Variants in ADGRL2 observed in about 807,000 individuals in gnomAD.
ADGRL2 encodes the protein adhesion G protein-coupled receptor L2.
A neutral mutation model predicts 157.4 loss-of-function variants in ADGRL2; 44 were observed. The ratio of observed to expected loss-of-function variants is 0.28; its 90% confidence interval spans 0.22 to 0.36. The LOEUF is 0.36. Among genes scored for constraint, ADGRL2 ranks in the 10% least tolerant of loss-of-function variants. The pLI is 1.00. For synonymous variants in ADGRL2, 585 were observed against 624.7 expected (o/e 0.94, Z 0.95); for missense variants, 1,510 against 1,768.9 (o/e 0.85, Z 2.63).
chr1:81,695,702 T>C (rs984395057), upstream of ADGRL2, among the ~76,000 whole-genome samples: 2 of 151,894 alleles, frequency 1.3e-5, no homozygotes, highest in African/African-American at 4.8e-5. Flanking sequence ...GTGCCAGTAA[T>C]CCCAGCTACT....
intron 17 of ADGRL2, among the ~76,000 whole-genome samples, chr1:81,979,342 C>T (rs540608195): frequency 1.2e-4 from 18 of 151,864 alleles, no homozygotes; most frequent in African/African-American, 4.1e-4. Context: ...CCTATATAAA[C>T]TTTATCTTAC....
rs1478227741 is a variant in ADGRL2, at chr1:81,952,848, G to A, written c.1795-139G>A. 4.6e-6 allele frequency: 3 copies of A among 658,460 alleles called. No individual in the cohort carries two copies. The African/African-American group carries it at 5.4e-5, about 12-fold the overall frequency. The allele number at this position is 658,460 out of a possible 1,614,324, so 40.8% of individuals were successfully genotyped here. On this transcript the variant is annotated intron_variant, in intron 9 of 23. Transcript: ENST00000686636. ...TAAATAAGCAGTTTTGGTAGTCAGTGCAGACTCAGACTCCAGAGGACTACT... is the reference window on the plus strand; with the variant it reads ...TAAATAAGCAGTTTTGGTAGTCAGTACAGACTCAGACTCCAGAGGACTACT...
intron 3 of ADGRL2, among the ~76,000 whole-genome samples, chr1:81,582,691 A>G (rs1360073380): frequency 6.6e-6 from 1 of 152,206 alleles, no homozygotes; most frequent in Non-Finnish European, 1.5e-5. Context: ...CAATGATGTC[A>G]GCAAGTACTA....
intron 3 of ADGRL2, among the ~76,000 whole-genome samples, chr1:81,604,471 A>G (rs1415406200): frequency 2.6e-5 from 4 of 152,212 alleles, no homozygotes; most frequent in African/African-American, 4.8e-5. Context: ...TCAAGTAAAT[A>G]TAAGACCAAA....
chr1:81,682,732 C>A (rs1416429981), intron 3 of ADGRL2, among the ~76,000 whole-genome samples: 2 of 152,190 alleles, frequency 1.3e-5, no homozygotes, highest in Non-Finnish European at 2.9e-5. Context: ...CTTAAAAGCC[C>A]TCTTCTGGAC....
intron 3 of ADGRL2, among the ~76,000 whole-genome samples, chr1:81,644,199 C>G (rs148096019): frequency 2.0e-5 from 3 of 152,146 alleles, no homozygotes; most frequent in African/African-American, 7.2e-5. Flanking sequence ...CCAGAGCATA[C>G]ACCCTTTACA....
Position 81,958,922 on chromosome 1 carries a change from G to A in ADGRL2, c.2017+2862G>A, listed in dbSNP as rs139273950. Among the ~76,000 whole-genome samples, 913 of 152,258 alleles carry A rather than the reference G, an allele frequency of 6.0e-3. 6 individuals are homozygous for A. The highest frequency in any genetic ancestry group is 0.021 in the African/African-American group (866 of 41,536). On this transcript the variant is annotated intron_variant, in intron 11 of 23. Transcript: ENST00000686636. ...CTCCTTTTGATCTTGCTGCTTTTAT[G>A]CAGAGGAATATTTTTTGAAATTTAT...
chr1:81,690,909 G>A (rs1428913681), intron 3 of ADGRL2, among the ~76,000 whole-genome samples: 1 of 152,210 alleles, frequency 6.6e-6, no homozygotes, highest in Non-Finnish European at 1.5e-5. Flanking sequence ...TGCAGTGGAA[G>A]CCTCAGCTAC....
chr1:81,722,841 TG>T (rs1557597150), intron 1 of ADGRL2: 1 of 704,790 alleles, frequency 1.4e-6, no homozygotes, highest in Admixed American at 2.0e-5. Flanking sequence ...GTGGCTTTCC[TG>T]GGGGAAATGC....
intron 1 of ADGRL2, among the ~76,000 whole-genome samples, chr1:81,430,029 G>A (rs2077291646): frequency 6.6e-6 from 1 of 152,156 alleles, no homozygotes; most frequent in Non-Finnish European, 1.5e-5. Context: ...GAGTAGCTGG[G>A]ATTACAGGCA....
intron 1 of ADGRL2, among the ~76,000 whole-genome samples, chr1:81,815,092 G>T (rs2090261660): frequency 6.6e-6 from 1 of 151,498 alleles, no homozygotes; most frequent in Non-Finnish European, 1.5e-5. Flanking sequence ...TTTTTTTTGA[G>T]ATACATGTTT....
intron 2 of ADGRL2, among the ~76,000 whole-genome samples, chr1:81,520,974 G>A (rs543070035): frequency 1.3e-4 from 20 of 152,258 alleles, no homozygotes; most frequent in Non-Finnish European, 2.4e-4. Context: ...AAGGAGGAAG[G>A]AGCAAAGAAG....
chr1:81,573,192 G>A (rs569040498), intron 2 of ADGRL2, among the ~76,000 whole-genome samples: 1 of 152,026 alleles, frequency 6.6e-6, no homozygotes, highest in East Asian at 1.9e-4. Flanking sequence ...AGGCTATCAG[G>A]TTTTGCTAAT....
At chr1:81,557,475 A>AAAG (rs1553123693) in intron 2 of ADGRL2, 12 of 9,752 alleles carry the variant, frequency 1.2e-3, no homozygotes, top group Middle Eastern at 0.071. Context: ...AAGAAGAAAG[A>AAAG]AAGAAAGAAG....
intron 1 of ADGRL2, among the ~76,000 whole-genome samples, chr1:81,825,760 TC>T (rs139740070): frequency 0.28 from 42,638 of 151,090 alleles, 6,593 homozygotes; most frequent in Middle Eastern, 0.49. Flanking sequence ...ATTTCTGAGA[TC>T]AACCTTTGTC....
chr1:81,516,598 C>A (rs2148127978), intron 2 of ADGRL2, among the ~76,000 whole-genome samples: 1 of 152,270 alleles, frequency 6.6e-6, no homozygotes, highest in Non-Finnish European at 1.5e-5. Context: ...GAAATGTTTT[C>A]AATAATCATG....
At chr1:81,793,183 TA>T (rs1200582644) in intron 2 of ADGRL2, among the ~76,000 whole-genome samples, 1 of 152,098 alleles carries the variant, frequency 6.6e-6, no homozygotes, top group Non-Finnish European at 1.5e-5. Flanking sequence ...ATTTTATAAT[TA>T]AAAACAAGAA....
At chr1:81,465,595 A>G (rs1272922688) in intron 2 of ADGRL2, among the ~76,000 whole-genome samples, 1 of 152,152 alleles carries the variant, frequency 6.6e-6, no homozygotes, top group Non-Finnish European at 1.5e-5. Context: ...AATATTAAAA[A>G]TGAAAAATTT....
At chr1:81,894,162 T>A (rs1216656992) in intron 2 of ADGRL2, among the ~76,000 whole-genome samples, 1 of 152,202 alleles carries the variant, frequency 6.6e-6, no homozygotes, top group Non-Finnish European at 1.5e-5. Flanking sequence ...TAGTTTCTTT[T>A]GGTTATTCCA....
Sources: allele counts gnomAD v4.1 joint callset (sites outside exome capture counted in the v4.1 genomes callset), GRCh38; gene constraint gnomAD v4.1.1; transcripts MANE v1.5; gene names NCBI Gene and HGNC (gene_info 2026-07-23, HGNC 2026-07-21).